Variants in SETD5 observed in about 807,000 individuals in gnomAD.
The protein encoded by SETD5 is histone-lysine N-methyltransferase SETD5.
In SETD5, 44 loss-of-function variants were observed where a neutral mutation model predicts 153.3. That is an observed-to-expected ratio of 0.29 (90% CI 0.23 to 0.37). The LOEUF is 0.37. SETD5 is among the 10% of genes least tolerant of loss of function. The pLI, the probability that SETD5 is intolerant of heterozygous loss-of-function variation, is 1.00. For missense variants in SETD5, 1,544 were observed against 1,768.0 expected (o/e 0.87, Z 2.27); for synonymous variants, 716 against 645.2 (o/e 1.11, Z -1.66).
rs565450488 is a variant in SETD5 at position 9,417,777 on chromosome 3, G to C, written c.-176-6690G>C. ...TGGGATTATAGGCGGGATCCACTGC[G>C]CCTGGCCAAGTCTTTTTTTTTTTTT... On this transcript the variant is annotated intron_variant, in intron 1 of 22. Coordinates refer to ENST00000402198, the MANE Select transcript of SETD5 (RefSeq NM_001080517.3). Among the ~76,000 whole-genome samples the C allele has an allele frequency of 1.8e-3, 264 of 150,662 alleles. 1 individual carries two copies. The highest frequency in any genetic ancestry group is 6.2e-3 in the African/African-American group (256 of 41,138).
Position 9,475,793 on chromosome 3 carries a change from C to G in SETD5, c.4031C>G (p.Ala1344Gly). ...CCAAGGAGGAGCTGCCCTTCTAGTG[C>G]TGCTAGCCCTACCCTGCAGGGACCC... ...NLPRRSCPSS[A>G]ASPTLQGPSD... The change falls in exon 23 of 23, where the codon GCT becomes GGT. Residue 1344 changes from alanine (A) to glycine (G), a missense_variant. Around this residue, in one of 9 missense-constraint regions of SETD5, gnomAD observed 302 missense variants for 277.6 expected, o/e 1.09. Transcript: ENST00000402198. The G allele has an allele frequency of 1.9e-6, 3 of 1,614,060 alleles. No individual in the cohort carries two copies. The highest frequency in any genetic ancestry group is 2.5e-6 in the Non-Finnish European group (3 of 1,179,906).
At position 9,434,755 on chromosome 3, in the gene SETD5, C is replaced by T. The variant is rs372031770; in HGVS notation, c.330-69C>T. ...GGGGGTAGCATATGCAGAGACACTT[C>T]GCCCATGTGTGCTATGATGTGATGC... On this transcript the variant is annotated intron_variant, in intron 5 of 22. Transcript: ENST00000402198. The surrounding 1 kb of genome is among the most constrained non-coding windows in gnomAD (Gnocchi z 5.6). 5.2e-6 allele frequency: 8 copies of T among 1,532,438 alleles called. No homozygotes were observed. In the African/African-American group the frequency reaches 6.9e-5, roughly 13 times the overall value. 94.9% of individuals were successfully genotyped at this position (1,532,438 alleles called of 1,614,324 possible).
At position 9,404,125 on chromosome 3, in the gene SETD5, A is replaced by G. The variant is rs2035273583; in HGVS notation, c.-177+6148A>G. 2.6e-5 allele frequency among the ~76,000 whole-genome samples: 4 copies of G among 152,188 alleles called. No homozygotes were observed. The South Asian group carries it at 8.3e-4, about 31-fold the overall frequency. ...TTGCTTGGGTTGAGGTACCACCTAT[A>G]TTGCAATGTTACTAAACTAGCCTTA... On this transcript the variant is annotated intron_variant, in intron 1 of 22. Coordinates refer to ENST00000402198, the MANE Select transcript of SETD5 (RefSeq NM_001080517.3).
intron 1 of SETD5, among the ~76,000 whole-genome samples, chr3:9,407,276 C>G (rs1440886541): frequency 6.6e-6 from 1 of 151,968 alleles, no homozygotes; most frequent in Non-Finnish European, 1.5e-5. Flanking sequence ...TGCAGTGAGC[C>G]AAGATCGTGC....
chr3:9,425,259 T>C (rs1241844744), intron 2 of SETD5, among the ~76,000 whole-genome samples: 1 of 151,930 alleles, frequency 6.6e-6, no homozygotes, highest in Admixed American at 6.6e-5. Context: ...AGACAGGGTT[T>C]CACCGTGTTA....
chr3:9,424,074 G>A (rs1289328851), intron 1 of SETD5, among the ~76,000 whole-genome samples: 4 of 152,082 alleles, frequency 2.6e-5, no homozygotes, highest in African/African-American at 7.2e-5. Context: ...GACAGTTGTC[G>A]GACATCGGGT....
At chr3:9,428,470 A>T (rs751404283) in intron 2 of SETD5, among the ~76,000 whole-genome samples, 1 of 152,234 alleles carries the variant, frequency 6.6e-6, no homozygotes, top group Non-Finnish European at 1.5e-5. Flanking sequence ...TATTTTTAAT[A>T]ACCATCCTTT....
intron 7 of SETD5, among the ~76,000 whole-genome samples, chr3:9,437,519 T>TGATGTGTGTGTGTGTGTGTGTG (rs1282194725): frequency 8.1e-6 from 1 of 122,872 alleles, no homozygotes; most frequent in African/African-American, 4.6e-5. Flanking sequence ...GTATCCTCCT[T>TGATGTGTGTGTGTGTGTGTGTG]TACGTGTGTG....
At position 9,470,853 on chromosome 3, in the gene SETD5, G is replaced by T. The variant is rs750820194; in HGVS notation, c.3119G>T (p.Gly1040Val). 4 of 1,611,916 alleles carry T rather than the reference G, an allele frequency of 2.5e-6. No individual in the cohort carries two copies. Among genetic ancestry groups the T allele is most frequent in the Non-Finnish European group, 2.5e-6 (3 of 1,178,996 alleles). Residue 1040 changes from glycine (G) to valine (V), a missense_variant, in exon 19 of 23, where the codon GGA becomes GTA. This residue lies in a region of SETD5 where 782 missense variants were observed against 787.2 expected (regional missense o/e 0.99). Coordinates refer to ENST00000402198, the MANE Select transcript of SETD5 (RefSeq NM_001080517.3). Reference protein sequence around the residue: ...EHGLMKDLSRGSLSPGGERAC... With the variant: ...EHGLMKDLSRVSLSPGGERAC... ...GGCTTAATGAAAGACCTCTCTCGTG[G>T]ATCCTTGTCACCTGGTGGTGAAAGG...
At chr3:9,420,686 A>G (rs576194858) in intron 1 of SETD5, among the ~76,000 whole-genome samples, 2 of 152,066 alleles carry the variant, frequency 1.3e-5, no homozygotes, top group South Asian at 4.2e-4. Context: ...CTTTGCTTGC[A>G]TTAACTTGCT....
intron 7 of SETD5, chr3:9,436,793 A>C (rs1559406201): frequency 6.8e-7 from 1 of 1,468,970 alleles, no homozygotes; most frequent in Non-Finnish European, 9.3e-7. Flanking sequence ...GATAGGTATA[A>C]CTGTCATTCT....
At chr3:9,422,701 T>C (rs2038589247) in intron 1 of SETD5, among the ~76,000 whole-genome samples, 1 of 152,222 alleles carries the variant, frequency 6.6e-6, no homozygotes. Flanking sequence ...ATATATACTG[T>C]GTTCACTTTA....
chr3:9,468,031 A>G (rs1326836855), intron 18 of SETD5, among the ~76,000 whole-genome samples: 1 of 151,348 alleles, frequency 6.6e-6, no homozygotes, highest in Non-Finnish European at 1.5e-5. Flanking sequence ...CCAGCACACT[A>G]ATGTCTCCCC....
At chr3:9,409,816 TG>T (rs2036274823) in intron 1 of SETD5, among the ~76,000 whole-genome samples, 1 of 152,242 alleles carries the variant, frequency 6.6e-6, no homozygotes, top group Admixed American at 6.5e-5. Flanking sequence ...TGCTACATGA[TG>T]TTTACGTAAA....
chr3:9,461,529 A>C (rs2043955070), intron 17 of SETD5, among the ~76,000 whole-genome samples: 1 of 152,204 alleles, frequency 6.6e-6, no homozygotes, highest in Non-Finnish European at 1.5e-5. Context: ...AATAATAATA[A>C]AAGATGGATA....
chr3:9,434,345 T>C lies in SETD5; in HGVS notation c.189T>C (p.Pro63=), dbSNP rs900251006. ...CRGLPYATII[P]RSDLNGLPSP... ...CTCCCCCTGTCCAGACGATCATCCC[T>C]CGTTCTGACCTGAATGGCCTGCCGT... Residue 63 remains proline, a synonymous_variant, in exon 5 of 23, where the codon CCT becomes CCC. Coordinates refer to ENST00000402198, the MANE Select transcript of SETD5 (RefSeq NM_001080517.3). The surrounding 1 kb of genome is among the most constrained non-coding windows in gnomAD (Gnocchi z 5.6). 2.5e-6 allele frequency: 4 copies of C among 1,613,724 alleles called. No individual in the cohort carries two copies. The highest frequency in any genetic ancestry group is 3.4e-6 in the Non-Finnish European group (4 of 1,179,786).
chr3:9,433,775 G>T, intron 3 of SETD5, 70 bp from the exon 4 acceptor site: 1 of 1,475,138 alleles, frequency 6.8e-7, no homozygotes. Flanking sequence ...GTTAGAATGG[G>T]AAATGAAGTG....
In SETD5 at chr3:9,475,557, T is replaced by C; in HGVS notation, c.3795T>C (p.His1265=). The C allele has an allele frequency of 6.2e-7, 1 of 1,613,878 alleles. No individual in the cohort carries two copies. The highest frequency in any genetic ancestry group is 8.5e-7 in the Non-Finnish European group (1 of 1,179,878). ...AGAGTTCCTCCCCCTTCAGAGGACATCCTACACAGTCTCCAGGATACAGTT... is the reference window on the plus strand; with the variant it reads ...AGAGTTCCTCCCCCTTCAGAGGACACCCTACACAGTCTCCAGGATACAGTT... ...LQQSSSPFRG[H]PTQSPGYSYR... Residue 1265 remains histidine, a synonymous_variant, in exon 23 of 23, where the codon CAT becomes CAC. Transcript: ENST00000402198.
In SETD5 at chr3:9,475,678, G is replaced by A. The variant is rs759329345; in HGVS notation, c.3916G>A (p.Val1306Met). ...GTCCTATTCCAGCCCCGCCCACCCT[G>A]TGTCCACAGACTCGTTGGCCCCATT... is the stretch of plus-strand genomic sequence containing the variant. ...STSYSSPAHP[V>M]STDSLAPFTG... The change falls in exon 23 of 23, where the codon GTG becomes ATG. Residue 1306 changes from valine (V) to methionine (M), a missense_variant. Around this residue, in one of 9 missense-constraint regions of SETD5, gnomAD observed 302 missense variants for 277.6 expected, o/e 1.09. Transcript: ENST00000402198. 6.2e-7 allele frequency: 1 copy of A among 1,613,840 alleles called. No individual in the cohort carries two copies. Among genetic ancestry groups the A allele is most frequent in the Non-Finnish European group, 8.5e-7 (1 of 1,179,870 alleles).
Sources: allele counts gnomAD v4.1 joint callset (sites outside exome capture counted in the v4.1 genomes callset), GRCh38; gene constraint gnomAD v4.1.1; regional missense constraint gnomAD v4.1.1; non-coding constraint Gnocchi (gnomAD v3.1); transcripts MANE v1.5; gene names NCBI Gene and HGNC (gene_info 2026-07-23, HGNC 2026-07-21).